TBC1D31: variants seen among roughly 807,000 people sequenced by gnomAD.
TBC1D31 encodes WD repeat domain 67.
Under a neutral mutation model 132.9 loss-of-function variants are expected in TBC1D31, and 99 were observed. That is an observed-to-expected ratio of 0.74 (90% CI 0.63 to 0.88). The LOEUF (loss-of-function observed/expected upper bound fraction) is 0.88. TBC1D31 is among the 40% of genes least tolerant of loss of function. The pLI, the probability that TBC1D31 is intolerant of heterozygous loss-of-function variation, is 0.00. For synonymous variants in TBC1D31, 385 were observed against 419.4 expected (o/e 0.92, Z 1.00); for missense variants, 1,134 against 1,256.6 (o/e 0.90, Z 1.48).
intron 4 of TBC1D31, among the ~76,000 whole-genome samples, chr8:123,087,231 C>T (rs1815858722): frequency 6.6e-6 from 1 of 152,186 alleles, no homozygotes; most frequent in Admixed American, 6.5e-5. Context: ...CTCCCACTGT[C>T]TTTTGGTTTT....
intron 10 of TBC1D31, among the ~76,000 whole-genome samples, chr8:123,111,676 A>T (rs1243213574): frequency 1.3e-5 from 2 of 152,058 alleles, no homozygotes; most frequent in Non-Finnish European, 2.9e-5. Flanking sequence ...ACACACACAC[A>T]CTCACACAAT....
the TBC1D31 span, among the ~76,000 whole-genome samples, chr8:123,163,706 TG>T: frequency 1.3e-5 from 2 of 152,078 alleles, no homozygotes; most frequent in South Asian, 2.1e-4. Flanking sequence ...TCAATACCTT[TG>T]GGGGGTACAG....
intron 19 of TBC1D31, 113 bp from the exon 20 acceptor site, chr8:123,144,604 C>A: frequency 9.7e-7 from 1 of 1,032,858 alleles, no homozygotes; most frequent in Non-Finnish European, 1.4e-6. Flanking sequence ...ATCCTACTTG[C>A]CATGGGAATA....
At chr8:123,154,954 G>A (rs775401398), downstream of TBC1D31, among the ~76,000 whole-genome samples, 31 of 152,126 alleles carry the variant, frequency 2.0e-4, no homozygotes, top group Non-Finnish European at 4.0e-4. Flanking sequence ...AGCATCATGC[G>A]CATTGTAAGG....
chr8:123,126,764 C>T, intron 13 of TBC1D31, 77 bp downstream of exon 13: 1 of 1,349,276 alleles, frequency 7.4e-7, no homozygotes. Flanking sequence ...TTTTTTGAGA[C>T]AGAGTCTCGC....
intron 17 of TBC1D31, among the ~76,000 whole-genome samples, chr8:123,135,528 G>A (rs1043765269): frequency 6.6e-6 from 1 of 152,144 alleles, no homozygotes; most frequent in Admixed American, 6.6e-5. Flanking sequence ...TTGAGCCCGG[G>A]GGACGGAGGC....
rs1182751396 is a variant in TBC1D31 at position 123,084,274 on chromosome 8, A to G, written c.453A>G (p.Leu151=). 2 of 1,614,184 alleles carry G rather than the reference A, an allele frequency of 1.2e-6. No individual in the cohort carries two copies. Residue 151 remains leucine, a synonymous_variant, in exon 4 of 22, where the codon TTA becomes TTG. Transcript: ENST00000287380. ...CAACTTCTTCTGATACAGCACAATT[A>G]TGGGACTTGGATACCTTTCAGAGAA... ...AITTSSDTAQ[L]WDLDTFQRKR...
intron 21 of TBC1D31, 67 bp from the exon 22 acceptor site, chr8:123,151,739 A>G (rs1342191920): frequency 5.6e-6 from 8 of 1,419,778 alleles, no homozygotes; most frequent in Middle Eastern, 3.6e-4. Context: ...TATCTTTAAA[A>G]TAAATGCTGT....
chr8:123,085,226 CATTT>C (rs1426173001), intron 4 of TBC1D31, among the ~76,000 whole-genome samples: 1 of 152,132 alleles, frequency 6.6e-6, no homozygotes, highest in African/African-American at 2.4e-5. Flanking sequence ...CTTAAGTATT[CATTT>C]GTTAAATTTG....
chr8:123,133,162 G>A (rs1820783130), intron 16 of TBC1D31, among the ~76,000 whole-genome samples: 1 of 152,240 alleles, frequency 6.6e-6, no homozygotes, highest in Non-Finnish European at 1.5e-5. Context: ...ACATCTGTTA[G>A]CAGCAAGCAA....
At chr8:123,074,362 G>A (rs765801374) in intron 1 of TBC1D31, among the ~76,000 whole-genome samples, 3 of 152,148 alleles carry the variant, frequency 2.0e-5, no homozygotes, top group Admixed American at 1.3e-4. Flanking sequence ...TCCAAAGTGC[G>A]ATGCGAGACG....
intron 13 of TBC1D31, among the ~76,000 whole-genome samples, chr8:123,127,293 CAG>C (rs1820160698): frequency 1.1e-5 from 1 of 90,612 alleles, no homozygotes; most frequent in Admixed American, 1.8e-4. Flanking sequence ...TTTTTGGAGA[CAG>C]AGTCTCGCTC....
chr8:123,100,480 G>A (rs556613789), intron 6 of TBC1D31, among the ~76,000 whole-genome samples: 1 of 152,074 alleles, frequency 6.6e-6, no homozygotes, highest in African/African-American at 2.4e-5. Context: ...GCAGGGTGAG[G>A]CTGGAGAATT....
At chr8:123,097,686 T>C in intron 6 of TBC1D31, 1 of 342,820 alleles carries the variant, frequency 2.9e-6, no homozygotes, top group Non-Finnish European at 5.2e-6. Flanking sequence ...TACTTTATGG[T>C]TTGCAGTGTG....
Position 123,142,217 on chromosome 8 carries a change from A to T in TBC1D31, c.2641-45A>T. The T allele has an allele frequency of 5.0e-6, 7 of 1,410,246 alleles. No individual in the cohort carries two copies. Among genetic ancestry groups the T allele is most frequent in the Non-Finnish European group, 6.7e-6 (7 of 1,040,956 alleles). 87.4% of individuals were successfully genotyped at this position (1,410,246 alleles called of 1,614,324 possible). On this transcript the variant is annotated intron_variant, in intron 18 of 21. Coordinates refer to ENST00000287380, the MANE Select transcript of TBC1D31 (RefSeq NM_145647.4). ...GAATGGTTATACCTTCATTTTATGT[A>T]CTAGTAGTTTGACCTTGTTTCTGAA... is the stretch of plus-strand genomic sequence containing the variant.
chr8:123,124,584 G>A (rs775343799), intron 11 of TBC1D31, among the ~76,000 whole-genome samples: 1 of 152,086 alleles, frequency 6.6e-6, no homozygotes, highest in Admixed American at 6.6e-5. Flanking sequence ...AACTACCAGT[G>A]TCAGAGACAT....
rs934336915 is a variant in TBC1D31, at chr8:123,139,426, A to G, written c.2500-1335A>G. 1.6e-4 allele frequency among the ~76,000 whole-genome samples: 25 copies of G among 152,286 alleles called. No individual in the cohort carries two copies. The East Asian group carries it at 4.2e-3, about 26-fold the overall frequency. ...TTTGAAAGTCCCTATTCTTTGTTGT[A>G]TATAACCACTGATGTCTCTACTCAG... On this transcript the variant is annotated intron_variant, in intron 17 of 21. Coordinates refer to ENST00000287380, the MANE Select transcript of TBC1D31 (RefSeq NM_145647.4).
chr8:123,099,114 G>T (rs1817110008), intron 6 of TBC1D31, among the ~76,000 whole-genome samples: 1 of 152,006 alleles, frequency 6.6e-6, no homozygotes, highest in Non-Finnish European at 1.5e-5. Context: ...TTTTGTTTTG[G>T]TTTGGTTTTT....
At chr8:123,084,108 T>G in intron 3 of TBC1D31, 54 bp from the exon 4 acceptor site, 1 of 1,472,898 alleles carries the variant, frequency 6.8e-7, no homozygotes, top group Non-Finnish European at 9.4e-7. Flanking sequence ...TATGTAATGT[T>G]ACTTCTAGAC....
Sources: gnomAD v4.1 joint callset for allele counts (sites outside exome capture counted in the v4.1 genomes callset) on GRCh38, gnomAD v4.1.1 for gene constraint, MANE v1.5 for transcripts, NCBI Gene and HGNC (gene_info 2026-07-23, HGNC 2026-07-21) for gene names.